CTNND2: variants seen among roughly 807,000 people sequenced by gnomAD.
The protein encoded by CTNND2 is catenin delta 2.
A neutral mutation model predicts 144.4 loss-of-function variants in CTNND2; 22 were observed. The ratio of observed to expected loss-of-function variants is 0.15; its 90% confidence interval spans 0.11 to 0.22. The LOEUF is 0.22. CTNND2 is among the 10% of genes least tolerant of loss of function. The probability of loss-of-function intolerance (pLI) is 1.00; values close to 1 mark genes in which losing one functional copy is unlikely to be tolerated. For synonymous variants in CTNND2, 751 were observed against 695.6 expected, an observed-to-expected ratio of 1.08 and a Z score of -1.25; for missense variants, 1,353 against 1,618.8, an observed-to-expected ratio of 0.84 and a Z score of 2.82.
chr5:11,121,319 A>C (rs1036887015), intron 12 of CTNND2, among the ~76,000 whole-genome samples: 18 of 152,282 alleles, frequency 1.2e-4, no homozygotes, highest in African/African-American at 4.1e-4. Context: ...CCTCCCTCCC[A>C]TTGTACTTAA....
intron 2 of CTNND2, among the ~76,000 whole-genome samples, chr5:11,658,680 C>T (rs59003646): frequency 0.012 from 1,800 of 152,264 alleles, 28 homozygotes; most frequent in African/African-American, 0.042. Flanking sequence ...TTCACGCACT[C>T]AGCTTGTAAG....
chr5:11,714,443 C>T (rs771902637), intron 2 of CTNND2, among the ~76,000 whole-genome samples: 4 of 152,084 alleles, frequency 2.6e-5, no homozygotes, highest in Non-Finnish European at 4.4e-5. Context: ...CATTTATATG[C>T]ATTTACAGAT....
At chr5:11,338,815 T>A (rs1371760367) in intron 9 of CTNND2, among the ~76,000 whole-genome samples, 1 of 152,214 alleles carries the variant, frequency 6.6e-6, no homozygotes, top group Non-Finnish European at 1.5e-5. Context: ...ATAAAAGAAC[T>A]CTTGAAAAGG....
intron 9 of CTNND2, among the ~76,000 whole-genome samples, chr5:11,274,540 CAAAT>C: frequency 6.7e-6 from 1 of 148,234 alleles, no homozygotes; most frequent in South Asian, 2.1e-4. Flanking sequence ...GAAAATAAAA[CAAAT>C]AAAACAATTT....
At chr5:11,879,752 T>C (rs190591589) in intron 1 of CTNND2, among the ~76,000 whole-genome samples, 110 of 152,258 alleles carry the variant, frequency 7.2e-4, no homozygotes, top group African/African-American at 2.4e-3. Context: ...TATCCAATTC[T>C]CAAAGTACAC....
rs574322928 is a variant in CTNND2 at position 11,387,342 on chromosome 5, C to G, written c.613-2113G>C. 2.0e-5 allele frequency among the ~76,000 whole-genome samples: 3 copies of G among 152,154 alleles called. No individual in the cohort carries two copies. The East Asian group carries it at 5.8e-4, about 29-fold the overall frequency. On this transcript the variant is annotated intron_variant, in intron 6 of 21. Transcript: ENST00000304623. ...AGGGGCTGAGGGATCTGGGTTTTAA[C>G]CAGTACTCTGGGTGATTATGGTGCT...
chr5:11,183,898 T>G (rs1439013385), intron 11 of CTNND2, among the ~76,000 whole-genome samples: 2 of 152,260 alleles, frequency 1.3e-5, no homozygotes, highest in East Asian at 1.9e-4. Flanking sequence ...TCGCTCATGC[T>G]GTCTCTCTCT....
chr5:11,448,147 A>T (rs1465881967), intron 3 of CTNND2, among the ~76,000 whole-genome samples: 1 of 152,166 alleles, frequency 6.6e-6, no homozygotes, highest in Admixed American at 6.6e-5. Flanking sequence ...TCTGAGGATT[A>T]GCTGTGCTGT....
rs2530907 is a variant in CTNND2, at chr5:11,555,385, T to C, written c.287+9559A>G. Reference sequence around the variant, plus strand: ...GGGGTACTATATAGACATGGCTCAGTAGAGTGGCCTTGGACTCTTGGCTAG... The same window carrying C: ...GGGGTACTATATAGACATGGCTCAGCAGAGTGGCCTTGGACTCTTGGCTAG... On this transcript the variant is annotated intron_variant, in intron 3 of 21. Transcript: ENST00000304623. 7.9e-3 allele frequency among the ~76,000 whole-genome samples: 1,200 copies of C among 152,182 alleles called. 11 individuals carry two copies. Among genetic ancestry groups the C allele is most frequent in the African/African-American group, 0.028 (1,147 of 41,504 alleles).
At chr5:11,673,676 T>C (rs1228998303) in intron 2 of CTNND2, among the ~76,000 whole-genome samples, 1 of 152,212 alleles carries the variant, frequency 6.6e-6, no homozygotes, top group Non-Finnish European at 1.5e-5. Context: ...GAATTGGCAT[T>C]ACCATGCTGA....
At chr5:11,375,650 T>C (rs549489346) in intron 7 of CTNND2, among the ~76,000 whole-genome samples, 30 of 152,298 alleles carry the variant, frequency 2.0e-4, no homozygotes, top group African/African-American at 7.0e-4. Flanking sequence ...GAATACAAAA[T>C]TGATGAAACC....
At chr5:11,461,879 A>C (rs1766255531) in intron 3 of CTNND2, among the ~76,000 whole-genome samples, 1 of 151,298 alleles carries the variant, frequency 6.6e-6, no homozygotes, top group South Asian at 2.1e-4. Flanking sequence ...GTAAAGCTTA[A>C]AAATCTACAC....
rs775925045 is a variant in CTNND2 at position 11,222,600 on chromosome 5, G to A, written c.1761+14091C>T. 2.4e-4 allele frequency among the ~76,000 whole-genome samples: 37 copies of A among 152,252 alleles called. 1 individual carries two copies. The highest frequency in any genetic ancestry group is 1.2e-3 in the South Asian group (6 of 4,824). On this transcript the variant is annotated intron_variant, in intron 10 of 21. Transcript: ENST00000304623. ...GCTGGAGGATCACTTGAGTCTGGGAGTTCAAGATCATCCTGGGTAACATAG... is the reference window on the plus strand; with the variant it reads ...GCTGGAGGATCACTTGAGTCTGGGAATTCAAGATCATCCTGGGTAACATAG...
intron 3 of CTNND2, among the ~76,000 whole-genome samples, chr5:11,551,367 GT>G (rs375815854): frequency 7.2e-5 from 10 of 139,800 alleles, no homozygotes; most frequent in East Asian, 2.1e-4. Context: ...CCACTTACTG[GT>G]TTTTTTTTTC....
At chr5:11,527,693 A>C (rs1561516980) in intron 3 of CTNND2, among the ~76,000 whole-genome samples, 1 of 152,186 alleles carries the variant, frequency 6.6e-6, no homozygotes, top group Non-Finnish European at 1.5e-5. Flanking sequence ...CACTCCTCTA[A>C]GCTGCTGTGT....
chr5:11,635,515 A>G (rs1781639048), intron 2 of CTNND2, among the ~76,000 whole-genome samples: 1 of 152,144 alleles, frequency 6.6e-6, no homozygotes, highest in Non-Finnish European at 1.5e-5. Flanking sequence ...GGGATAAGGC[A>G]TTTCCATTTC....
At chr5:11,353,493 A>T (rs1254798917) in intron 8 of CTNND2, among the ~76,000 whole-genome samples, 1 of 152,222 alleles carries the variant, frequency 6.6e-6, no homozygotes, top group Non-Finnish European at 1.5e-5. Context: ...CCTATTACCT[A>T]GATAATTGGC....
intron 16 of CTNND2, among the ~76,000 whole-genome samples, chr5:11,034,519 A>G (rs1217925481): frequency 6.6e-6 from 1 of 152,230 alleles, no homozygotes; most frequent in East Asian, 1.9e-4. Context: ...AATATCTGCA[A>G]ATGTACAAAT....
intron 1 of CTNND2, among the ~76,000 whole-genome samples, chr5:11,847,498 G>T (rs935899437): frequency 6.6e-6 from 1 of 151,960 alleles, no homozygotes; most frequent in African/African-American, 2.4e-5. Flanking sequence ...GAGGAGGCAG[G>T]TAATAGGACA....
Sources: allele counts gnomAD v4.1 joint callset (sites outside exome capture counted in the v4.1 genomes callset), GRCh38; gene constraint gnomAD v4.1.1; transcripts MANE v1.5; gene names NCBI Gene and HGNC (gene_info 2026-07-23, HGNC 2026-07-21).